MSH4: variants seen among roughly 807,000 people sequenced by gnomAD.
MSH4 encodes mutS protein homolog 4.
In MSH4, 106 loss-of-function variants were observed where a neutral mutation model predicts 113.7. That is an observed-to-expected ratio of 0.93 (90% CI 0.80 to 1.10). The LOEUF (loss-of-function observed/expected upper bound fraction) is 1.10. Among genes scored for constraint, MSH4 ranks in the 50% least tolerant of loss-of-function variants. MSH4 has a pLI of 0.00. For synonymous variants in MSH4, 368 were observed against 380.2 expected, an observed-to-expected ratio of 0.97 and a Z score of 0.37; for missense variants, 1,061 against 1,093.7, an observed-to-expected ratio of 0.97 and a Z score of 0.42.
At chr1:75,857,549 T>C (rs1193644520) in intron 8 of MSH4, among the ~76,000 whole-genome samples, 1 of 152,208 alleles carries the variant, frequency 6.6e-6, no homozygotes, top group African/African-American at 2.4e-5. Flanking sequence ...TAGGGAATCT[T>C]TTCCCCATTG....
chr1:75,880,886 A>C (rs554592296), intron 13 of MSH4, among the ~76,000 whole-genome samples: 2 of 152,042 alleles, frequency 1.3e-5, no homozygotes, highest in Non-Finnish European at 2.9e-5. Context: ...CAAATTCACA[A>C]AGTGATTAGC....
intron 7 of MSH4, among the ~76,000 whole-genome samples, chr1:75,832,832 C>T (rs1295711242): frequency 6.6e-6 from 1 of 152,124 alleles, no homozygotes. Context: ...CAATATCATA[C>T]TGAATGGGCA....
intron 6 of MSH4, among the ~76,000 whole-genome samples, chr1:75,821,818 T>C (rs901388823): frequency 6.6e-6 from 1 of 152,106 alleles, no homozygotes; most frequent in Non-Finnish European, 1.5e-5. Flanking sequence ...ATGTTGTCCA[T>C]GCTGGTCTTG....
rs540527601 is a variant in MSH4 at position 75,843,937 on chromosome 1, G to T, written c.1163-4272G>T. Among the ~76,000 whole-genome samples, 27 of 151,970 alleles carry T rather than the reference G, an allele frequency of 1.8e-4. No homozygotes were observed. The South Asian group carries it at 5.4e-3, about 30-fold the overall frequency. ...AGCGATTCTCCTGCCTCAGCCTCCC[G>T]AGTAGCGGGGATTACAGGCATGCAC... On this transcript the variant is annotated intron_variant, in intron 7 of 19. Transcript: ENST00000263187.
rs35936506 is a variant in MSH4, at chr1:75,882,663, TAAAA to T, written c.1907-935_1907-932del. 2.8e-3 allele frequency among the ~76,000 whole-genome samples: 351 copies of T among 123,798 alleles called. 3 individuals carry two copies. Among genetic ancestry groups the T allele is most frequent in the African/African-American group, 9.6e-3 (321 of 33,482 alleles). 81.2% of individuals were successfully genotyped at this position (123,798 alleles called of 152,430 possible). A position where few individuals can be genotyped will look rare whatever the true frequency, so the allele number is the denominator to read the frequency against. On this transcript the variant is annotated intron_variant, in intron 14 of 19. Coordinates refer to ENST00000263187, the MANE Select transcript of MSH4 (RefSeq NM_002440.4). ...GGGCAACATAGCTAGACCTCATTTCTAAAAAAAAAAAAAAAAAAAAAAAAAATCG... is the reference window on the plus strand; with the variant it reads ...GGGCAACATAGCTAGACCTCATTTCTAAAAAAAAAAAAAAAAAAAAAATCG...
chr1:75,846,738 A>G (rs1184624640), intron 7 of MSH4, among the ~76,000 whole-genome samples: 1 of 152,084 alleles, frequency 6.6e-6, no homozygotes, highest in African/African-American at 2.4e-5. Context: ...CTTCACTAGA[A>G]TTGCCCTTAA....
intron 9 of MSH4, among the ~76,000 whole-genome samples, chr1:75,873,039 G>A (rs1031851096): frequency 2.0e-5 from 3 of 152,228 alleles, no homozygotes; most frequent in Non-Finnish European, 4.4e-5. Flanking sequence ...ACACACGTAA[G>A]TGTAAACGTG....
Position 75,895,514 on chromosome 1 carries a change from T to C in MSH4, c.2356-2393T>C, listed in dbSNP as rs373610701. 2.7e-4 allele frequency among the ~76,000 whole-genome samples: 41 copies of C among 152,298 alleles called. No homozygotes were observed. The South Asian group carries it at 7.9e-3, about 29-fold the overall frequency. The stretch of plus-strand genomic sequence containing the variant: ...TAGTTGTAATTACCAACTACAACTC[T>C]CTTACCAGTTACAGAAATAAGGACT... On this transcript the variant is annotated intron_variant, in intron 17 of 19. Transcript: ENST00000263187.
chr1:75,878,291 T>C lies in MSH4; in HGVS notation c.1513T>C (p.Tyr505His). The change falls in exon 11 of 20, where the codon TAC (tyrosine) becomes CAC (histidine). Residue 505 changes from tyrosine to histidine, a missense_variant. By Grantham distance (83) the Tyr-to-His change is moderately conservative (BLOSUM62 2). Transcript: ENST00000263187. ...ATTTCTTGACATAGCAAGAAGAACA[T>C]ACACAGAGATTGTAGATGACATAGC... ...NEFLDIARRT[Y>H]TEIVDDIAGM... The C allele has an allele frequency of 1.9e-6, 3 of 1,599,784 alleles. No homozygotes were observed. Among genetic ancestry groups the C allele is most frequent in the Non-Finnish European group, 1.7e-6 (2 of 1,176,572 alleles).
At chr1:75,832,055 G>A (rs1395359491) in intron 7 of MSH4, among the ~76,000 whole-genome samples, 1 of 151,974 alleles carries the variant, frequency 6.6e-6, no homozygotes, top group Non-Finnish European at 1.5e-5. Context: ...TAATAAAGAA[G>A]AAAAGAGAGA....
At chr1:75,816,264 C>T in intron 5 of MSH4, 109 bp from the exon 6 acceptor site, 3 of 656,644 alleles carry the variant, frequency 4.6e-6, no homozygotes, top group East Asian at 3.4e-5. Flanking sequence ...GTACCTTTTC[C>T]TTTTGAGTTT....
Position 75,816,534 on chromosome 1 carries a change from A to T in MSH4, c.977A>T (p.Asn326Ile), listed in dbSNP as rs1263788830. ...SAQNLELLIN[N>I]QDYRNNHTLF... Reference sequence around the variant, plus strand: ...CAAAACCTTGAATTGTTAATTAATAATCAAGACTATAGGTAAGATCATCCA... The same window carrying T: ...CAAAACCTTGAATTGTTAATTAATATTCAAGACTATAGGTAAGATCATCCA... The change falls in exon 6 of 20, where the codon AAT (asparagine) becomes ATT (isoleucine). Residue 326 changes from asparagine to isoleucine, a missense_variant. Physicochemically the swap from Asn to Ile is moderately radical, Grantham distance 149. Coordinates refer to ENST00000263187, the MANE Select transcript of MSH4 (RefSeq NM_002440.4). The T allele has an allele frequency of 2.5e-6, 4 of 1,572,462 alleles. No homozygotes were observed. Among genetic ancestry groups the T allele is most frequent in the Non-Finnish European group, 3.5e-6 (4 of 1,153,620 alleles).
At chr1:75,885,793 CTATA>C (rs1463591868) in intron 15 of MSH4, among the ~76,000 whole-genome samples, 64 of 109,320 alleles carry the variant, frequency 5.9e-4, no homozygotes, top group Non-Finnish European at 6.6e-4. Flanking sequence ...AGTATATATA[CTATA>C]TAATGTATTA....
chr1:75,835,893 T>C (rs1650817530), intron 7 of MSH4, among the ~76,000 whole-genome samples: 1 of 152,206 alleles, frequency 6.6e-6, no homozygotes, highest in Admixed American at 6.5e-5. Flanking sequence ...CTGGAGCAGA[T>C]CTTGTTGGTT....
At chr1:75,841,013 G>A (rs1455611113) in intron 7 of MSH4, among the ~76,000 whole-genome samples, 10 of 152,120 alleles carry the variant, frequency 6.6e-5, no homozygotes, top group Non-Finnish European at 1.5e-4. Context: ...GAGAATCCTA[G>A]CAGTGATATT....
intron 7 of MSH4, among the ~76,000 whole-genome samples, chr1:75,831,059 G>A (rs1650676640): frequency 6.6e-6 from 1 of 152,144 alleles, no homozygotes; most frequent in Admixed American, 6.5e-5. Context: ...CACTTGCAGA[G>A]ACACACATAG....
intron 19 of MSH4, among the ~76,000 whole-genome samples, chr1:75,905,290 C>T (rs1388756398): frequency 3.3e-5 from 5 of 149,582 alleles, no homozygotes; most frequent in Non-Finnish European, 5.9e-5. Context: ...TTTTTAATGT[C>T]GTTATTGACC....
At chr1:75,837,191 A>G (rs537744109) in intron 7 of MSH4, among the ~76,000 whole-genome samples, 2 of 152,272 alleles carry the variant, frequency 1.3e-5, no homozygotes, top group African/African-American at 4.8e-5. Flanking sequence ...CCATGTGAAG[A>G]TACAGCGAGA....
intron 7 of MSH4, among the ~76,000 whole-genome samples, chr1:75,843,588 A>G (rs910324296): frequency 5.3e-5 from 8 of 152,176 alleles, no homozygotes; most frequent in African/African-American, 1.9e-4. Context: ...TCTCATGAGA[A>G]TCTATGGTTT....
Sources: gnomAD v4.1 joint callset for allele counts (sites outside exome capture counted in the v4.1 genomes callset) on GRCh38, gnomAD v4.1.1 for gene constraint, MANE v1.5 for transcripts, NCBI Gene and HGNC (gene_info 2026-07-23, HGNC 2026-07-21) for gene names.